Variants in PTBP2 observed in about 807,000 individuals in gnomAD.
PTBP2 encodes polypyrimidine tract-binding protein 2.
In PTBP2, 13 loss-of-function variants were observed where a neutral mutation model predicts 61.4. The ratio of observed to expected loss-of-function variants is 0.21; its 90% CI spans 0.14 to 0.34. The LOEUF (loss-of-function observed/expected upper bound fraction) is 0.34. PTBP2 is among the 10% of genes least tolerant of loss of function. The pLI, the probability that PTBP2 is intolerant of heterozygous loss-of-function variation, is 1.00. For missense variants in PTBP2, 405 were observed against 642.6 expected (o/e 0.63, Z 4.00); for synonymous variants, 215 against 218.5 (o/e 0.98, Z 0.14).
chr1:96,747,551 C>A (rs1295222130), intron 2 of PTBP2, among the ~76,000 whole-genome samples: 1 of 151,906 alleles, frequency 6.6e-6, no homozygotes, highest in East Asian at 1.9e-4. Flanking sequence ...TTAAGATAGT[C>A]AATTAAATTG....
At chr1:96,759,028 T>TA (rs1364234006) in intron 3 of PTBP2, among the ~76,000 whole-genome samples, 2 of 152,084 alleles carry the variant, frequency 1.3e-5, no homozygotes, top group Admixed American at 1.3e-4. Flanking sequence ...AATGAAATTT[T>TA]AAAAAATCTG....
chr1:96,762,665 G>C (rs1172055479), intron 3 of PTBP2, among the ~76,000 whole-genome samples: 1 of 148,222 alleles, frequency 6.7e-6, no homozygotes, highest in African/African-American at 2.5e-5. Flanking sequence ...CTGGCCGGGC[G>C]GGGGTCTGAC....
At chr1:96,778,625 T>A (rs1457785685) in intron 7 of PTBP2, among the ~76,000 whole-genome samples, 4 of 152,102 alleles carry the variant, frequency 2.6e-5, no homozygotes, top group Admixed American at 2.6e-4. Flanking sequence ...TAGTATCTCA[T>A]TATTATTACT....
chr1:96,817,897 T>C (rs1025395822), downstream of PTBP2: 1 of 152,110 alleles, frequency 6.6e-6, no homozygotes, highest in Non-Finnish European at 1.5e-5. Flanking sequence ...AAACACACTT[T>C]ATAATTTTTA....
intron 8 of PTBP2, among the ~76,000 whole-genome samples, chr1:96,800,333 A>G (rs1267195257): frequency 1.3e-5 from 2 of 151,558 alleles, no homozygotes; most frequent in Non-Finnish European, 2.9e-5. Context: ...TCTGTCTAGA[A>G]GATTGGTAGT....
chr1:96,803,722 T>C (rs375698174), intron 8 of PTBP2, among the ~76,000 whole-genome samples: 79 of 152,204 alleles, frequency 5.2e-4, no homozygotes, highest in African/African-American at 1.7e-3. Flanking sequence ...CAGATTCTTA[T>C]GAAATGCACC....
intron 2 of PTBP2, among the ~76,000 whole-genome samples, chr1:96,735,468 T>C (rs937857039): frequency 2.0e-5 from 3 of 152,208 alleles, no homozygotes; most frequent in Non-Finnish European, 4.4e-5. Context: ...CAGTTGTACC[T>C]ACTTCCAAAA....
At chr1:96,754,734 T>G (rs1255349003) in intron 3 of PTBP2, among the ~76,000 whole-genome samples, 1 of 152,032 alleles carries the variant, frequency 6.6e-6, no homozygotes, top group Non-Finnish European at 1.5e-5. Context: ...TTGACAAAGG[T>G]GCAAAGTCAA....
At chr1:96,763,553 C>CAGAGGGAGACTGTGGAAAGAGAGGG in intron 3 of PTBP2, among the ~76,000 whole-genome samples, 1 of 133,192 alleles carries the variant, frequency 7.5e-6, no homozygotes, top group Non-Finnish European at 1.6e-5. Context: ...GGCTCGTCAT[C>CAGAGGGAGACTGTGGAAAGAGAGGG]AGAGGGAGAC....
At chr1:96,801,241 A>G (rs148336411) in intron 8 of PTBP2, among the ~76,000 whole-genome samples, 90 of 152,070 alleles carry the variant, frequency 5.9e-4, no homozygotes, top group African/African-American at 2.0e-3. Flanking sequence ...GGGAGTGTCA[A>G]TTAACTCAGC....
intron 8 of PTBP2, among the ~76,000 whole-genome samples, chr1:96,798,207 A>G (rs1351098383): frequency 2.6e-5 from 4 of 151,864 alleles, no homozygotes; most frequent in Non-Finnish European, 5.9e-5. Context: ...TGAGTTCAAA[A>G]CCAGCCTGGC....
At chr1:96,786,262 A>T (rs1484696501) in intron 8 of PTBP2, among the ~76,000 whole-genome samples, 1 of 152,206 alleles carries the variant, frequency 6.6e-6, no homozygotes, top group Non-Finnish European at 1.5e-5. Context: ...ACTCTAAGGC[A>T]GTTGGTATTT....
At chr1:96,742,293 A>G (rs1653138799) in intron 2 of PTBP2, among the ~76,000 whole-genome samples, 1 of 152,220 alleles carries the variant, frequency 6.6e-6, no homozygotes, top group Non-Finnish European at 1.5e-5. Context: ...AAAGGATTTT[A>G]AACAGCTTAT....
chr1:96,800,924 T>A lies in PTBP2; in HGVS notation c.905-3876T>A, dbSNP rs898922444. On this transcript the variant is annotated intron_variant, in intron 8 of 13. Coordinates refer to ENST00000674951, the MANE Select transcript of PTBP2 (RefSeq NM_021190.4). ...AACCCAGATTTCAAGAAAAAAAAAATGTATTTTGAAAACAATTATGTCTTA... is the reference window on the plus strand; with the variant it reads ...AACCCAGATTTCAAGAAAAAAAAAAAGTATTTTGAAAACAATTATGTCTTA... Among the ~76,000 whole-genome samples the A allele has an allele frequency of 2.0e-5, 3 of 152,032 alleles. 1 individual carries two copies. Among genetic ancestry groups the A allele is most frequent in the Middle Eastern group, 6.8e-3 (2 of 292 alleles).
At chr1:96,746,463 C>T (rs1323639564) in intron 2 of PTBP2, among the ~76,000 whole-genome samples, 1 of 151,932 alleles carries the variant, frequency 6.6e-6, no homozygotes, top group East Asian at 1.9e-4. Context: ...GGATGTTTCT[C>T]TTTTGTGAAA....
chr1:96,733,820 C>T (rs1002770395), intron 2 of PTBP2, among the ~76,000 whole-genome samples: 3 of 152,198 alleles, frequency 2.0e-5, no homozygotes, highest in Admixed American at 6.5e-5. Context: ...AAGACCAACT[C>T]GTCCTCTTCC....
exon 14 of PTBP2, chr1:96,822,711 C>T (rs928006654): frequency 6.6e-6 from 1 of 152,058 alleles, no homozygotes; most frequent in Non-Finnish European, 1.5e-5. Context: ...ATTAAGACTT[C>T]CAAAAGAATC....
chr1:96,804,692 G>T lies in PTBP2; in HGVS notation c.905-108G>T, dbSNP rs1202545814. 27 of 1,083,196 alleles carry T rather than the reference G, an allele frequency of 2.5e-5. 1 individual carries two copies. In the Admixed American group the frequency reaches 6.7e-4, roughly 27 times the overall value. The allele number at this position is 1,083,196 out of a possible 1,614,324, so 67.1% of individuals were successfully genotyped here. ...TTAACTTTCAGGAACCATTTGGAAT[G>T]GTCAGCCGTAAGCCATGCAGCCATC... On this transcript the variant is annotated intron_variant, in intron 8 of 13. Coordinates refer to ENST00000674951, the MANE Select transcript of PTBP2 (RefSeq NM_021190.4).
intron 2 of PTBP2, 69 bp downstream of exon 2, chr1:96,723,663 T>G: frequency 7.0e-7 from 1 of 1,422,572 alleles, no homozygotes; most frequent in African/African-American, 1.4e-5. Flanking sequence ...AAATTTTAGC[T>G]TTTGCTTTTG....
Sources: allele counts gnomAD v4.1 joint callset (sites outside exome capture counted in the v4.1 genomes callset), GRCh38; gene constraint gnomAD v4.1.1; transcripts MANE v1.5; gene names NCBI Gene and HGNC (gene_info 2026-07-23, HGNC 2026-07-21).